The following KIF2C variants were observed in gnomAD, a reference collection of about 807,000 sequenced individuals.
The protein encoded by KIF2C is kinesin family member 2C, also known as kinesin-like protein KIF2C.
In KIF2C, 34 loss-of-function variants were observed where a neutral mutation model predicts 97.4. The ratio of observed to expected loss-of-function variants is 0.35; its 90% CI spans 0.27 to 0.46. The LOEUF (loss-of-function observed/expected upper bound fraction) is 0.46, where lower values mean the gene tolerates loss of function less well. Among genes scored for constraint, KIF2C ranks in the 20% least tolerant of loss-of-function variants. KIF2C has a pLI of 1.00. For synonymous variants in KIF2C, 313 were observed against 318.2 expected (o/e 0.98, Z 0.17); for missense variants, 750 against 907.6 (o/e 0.83, Z 2.23).
intron 4 of KIF2C, 146 bp downstream of exon 4, chr1:44,747,846 G>C (rs1649294723): frequency 1.4e-6 from 1 of 699,356 alleles, no homozygotes; most frequent in African/African-American, 1.8e-5. Flanking sequence ...TTCTCTATGA[G>C]AAAGAATCCA....
At position 44,760,321 on chromosome 1, in the gene KIF2C, C is replaced by G; in HGVS notation, c.1409C>G (p.Ser470Cys). ...TTTGCCAACTCCAATTCCTCCCGCT[C>G]CCACGCGTGCTTCCAAATTATTCTT... ...QTFANSNSSRSHACFQIILRA... is the reference protein window; with the variant it reads ...QTFANSNSSRCHACFQIILRA... The change falls in exon 15 of 21, where the codon TCC becomes TGC. Residue 470 changes from serine (S) to cysteine (C), a missense_variant. Coordinates refer to ENST00000372224, the MANE Select transcript of KIF2C (RefSeq NM_006845.4). This position sits in a 1 kb window ranked among gnomAD's most constrained non-coding sequence, Gnocchi z 4.2. 6.2e-7 allele frequency: 1 copy of G among 1,614,170 alleles called. No individual in the cohort carries two copies. Among genetic ancestry groups the G allele is most frequent in the South Asian group, 1.1e-5 (1 of 91,084 alleles).
chr1:44,761,569 C>G (rs1345295209), intron 16 of KIF2C, among the ~76,000 whole-genome samples: 1 of 150,926 alleles, frequency 6.6e-6, no homozygotes, highest in Non-Finnish European at 1.5e-5. Context: ...GATCGCACCA[C>G]TGCACTCTGG....
chr1:44,741,067 C>T, intron 2 of KIF2C, 60 bp downstream of exon 2: 1 of 1,322,930 alleles, frequency 7.6e-7, no homozygotes. Flanking sequence ...AGGATCTGTG[C>T]AGAAGTGGAA....
Position 44,746,848 on chromosome 1 carries a change from C to T in KIF2C, c.166-536C>T, listed in dbSNP as rs187431526. On this transcript the variant is annotated intron_variant, in intron 2 of 20. Transcript: ENST00000372224. Reference sequence around the variant, plus strand: ...TTGGTAAAGTTTGAATTTAGGGGTACCCCTGTCTATAGAAATTTAATTTTT... The same window carrying T: ...TTGGTAAAGTTTGAATTTAGGGGTATCCCTGTCTATAGAAATTTAATTTTT... 34 of 1,252,524 alleles carry T rather than the reference C, an allele frequency of 2.7e-5. No individual in the cohort carries two copies. In the Admixed American group the frequency reaches 8.4e-4, roughly 31 times the overall value. The allele number at this position is 1,252,524 out of a possible 1,614,324, so 77.6% of individuals were successfully genotyped here. A position where few individuals can be genotyped will look rare whatever the true frequency, so the allele number is the denominator to read the frequency against.
At chr1:44,742,203 G>A (rs1456445852) in intron 2 of KIF2C, among the ~76,000 whole-genome samples, 4 of 151,634 alleles carry the variant, frequency 2.6e-5, no homozygotes, top group African/African-American at 7.3e-5. Flanking sequence ...TCCGCCTCCC[G>A]GGTTCACGTC....
rs1648840033 is a variant in KIF2C at position 44,739,843 on chromosome 1, C to T, written c.-90C>T. ...ACGCTTGCGCGCGGGATTTAAACTG[C>T]GGCGGTTTACGCGGCGTTAAGACTT... On this transcript the variant is annotated 5_prime_UTR_variant, in exon 1 of 21. Coordinates refer to ENST00000372224, the MANE Select transcript of KIF2C (RefSeq NM_006845.4). 1 of 1,196,368 alleles carries T rather than the reference C, an allele frequency of 8.4e-7. No individual in the cohort carries two copies. The highest frequency in any genetic ancestry group is 1.2e-6 in the Non-Finnish European group (1 of 803,072). 74.1% of individuals were successfully genotyped at this position (1,196,368 alleles called of 1,614,324 possible). A position where few individuals can be genotyped will look rare whatever the true frequency, so the allele number is the denominator to read the frequency against.
chr1:44,753,134 G>T lies in KIF2C; in HGVS notation c.442G>T (p.Ala148Ser). Reference sequence around the variant, plus strand: ...CAGTGACTCTTGTTCCCCTACAGCTGCCCCCACTAGGCCTTCCTGCCCTGC... The same window carrying T: ...CAGTGACTCTTGTTCCCCTACAGCTTCCCCCACTAGGCCTTCCTGCCCTGC... ...NSRKQFSVPP[A>S]PTRPSCPAVA... Residue 148 changes from alanine to serine, a missense_variant and splice_region_variant, in exon 6 of 21, where the codon GCC becomes TCC. Transcript: ENST00000372224. 1 of 1,611,026 alleles carries T rather than the reference G, an allele frequency of 6.2e-7. No individual in the cohort carries two copies. Among genetic ancestry groups the T allele is most frequent in the Non-Finnish European group, 8.5e-7 (1 of 1,178,254 alleles).
chr1:44,766,772 AG>A lies in KIF2C; in HGVS notation c.1972-52del. 6 of 1,597,850 alleles carry A rather than the reference AG, an allele frequency of 3.8e-6. No homozygotes were observed. The South Asian group carries it at 6.7e-5, about 18-fold the overall frequency. ...TCTGCATTGCAGTTGGTAGGACCCC[AG>A]GAATGATTTGCTAAATGGTTATTGA... On this transcript the variant is annotated intron_variant, in intron 19 of 20. Coordinates refer to ENST00000372224, the MANE Select transcript of KIF2C (RefSeq NM_006845.4).
At chr1:44,756,349 C>A in intron 10 of KIF2C, 112 bp downstream of exon 10, 1 of 1,143,894 alleles carries the variant, frequency 8.7e-7, no homozygotes, top group Non-Finnish European at 1.3e-6. Flanking sequence ...CTCTTCCTCG[C>A]TTCTTGTGTT....
chr1:44,753,043 T>C (rs112605509), intron 5 of KIF2C, 89 bp from the exon 6 acceptor site: 2 of 1,501,510 alleles, frequency 1.3e-6, no homozygotes, highest in African/African-American at 1.4e-5. Context: ...GGCAGGTCGC[T>C]CTCCCGGCCC....
chr1:44,756,898 A>G (rs938931287), intron 10 of KIF2C, among the ~76,000 whole-genome samples: 2 of 151,104 alleles, frequency 1.3e-5, no homozygotes, highest in Non-Finnish European at 2.9e-5. Context: ...TCATAGGGAT[A>G]TTTACTTATT....
At position 44,767,714 on chromosome 1, in the gene KIF2C, A is replaced by C. The variant is rs1312942951; in HGVS notation, c.*535A>C. ...TGTTTTCTGTTTTATGTGTTTATACATTGTATGTAACAATAAAGAGAAAAA... is the reference window on the plus strand; with the variant it reads ...TGTTTTCTGTTTTATGTGTTTATACCTTGTATGTAACAATAAAGAGAAAAA... On this transcript the variant is annotated 3_prime_UTR_variant, in exon 21 of 21. Transcript: ENST00000372224. The C allele has an allele frequency of 6.3e-6, 1 of 158,516 alleles. No homozygotes were observed. Among genetic ancestry groups the C allele is most frequent in the Non-Finnish European group, 1.4e-5 (1 of 71,434 alleles). 9.8% of individuals were successfully genotyped at this position (158,516 alleles called of 1,614,324 possible).
intron 5 of KIF2C, among the ~76,000 whole-genome samples, chr1:44,751,396 A>C (rs1649504413): frequency 6.6e-6 from 1 of 151,578 alleles, no homozygotes; most frequent in South Asian, 2.1e-4. Context: ...GGGTATCGCC[A>C]TGTTGGCCAG....
intron 2 of KIF2C, among the ~76,000 whole-genome samples, chr1:44,742,404 C>G (rs1032574867): frequency 1.3e-5 from 2 of 151,190 alleles, no homozygotes; most frequent in South Asian, 4.3e-4. Flanking sequence ...CCACCATGCC[C>G]GGCTCTGGTA....
intron 2 of KIF2C, among the ~76,000 whole-genome samples, chr1:44,744,130 G>T (rs909587645): frequency 6.7e-6 from 1 of 149,644 alleles, no homozygotes; most frequent in African/African-American, 2.5e-5. Context: ...TCACTCTATC[G>T]CCAGGCTGGA....
At chr1:44,745,208 C>T (rs944894849) in intron 2 of KIF2C, among the ~76,000 whole-genome samples, 1 of 151,070 alleles carries the variant, frequency 6.6e-6, no homozygotes, top group African/African-American at 2.4e-5. Flanking sequence ...AAAAAAACCT[C>T]TGGTTTTCTT....
chr1:44,753,931 G>T, intron 7 of KIF2C, 98 bp downstream of exon 7: 1 of 395,888 alleles, frequency 2.5e-6, no homozygotes, highest in Non-Finnish European at 4.7e-6. Context: ...CAGCATTTCT[G>T]AGGCTCCAGT....
chr1:44,748,988 C>G (rs767117727), intron 4 of KIF2C, among the ~76,000 whole-genome samples: 3 of 152,008 alleles, frequency 2.0e-5, no homozygotes, highest in Admixed American at 6.6e-5. Flanking sequence ...CTACACAGCT[C>G]ATTTTAATGG....
intron 2 of KIF2C, among the ~76,000 whole-genome samples, chr1:44,742,330 C>CG (rs1055130911): frequency 2.0e-5 from 3 of 151,816 alleles, no homozygotes; most frequent in Non-Finnish European, 4.4e-5. Context: ...GGGATGGTCT[C>CG]GATCTCCTGA....
Sources: allele counts gnomAD v4.1 joint callset (sites outside exome capture counted in the v4.1 genomes callset), GRCh38; gene constraint gnomAD v4.1.1; non-coding constraint Gnocchi (gnomAD v3.1); transcripts MANE v1.5; gene names NCBI Gene and HGNC (gene_info 2026-07-23, HGNC 2026-07-21).